Variants in INPP5F observed in about 807,000 individuals in gnomAD.
INPP5F encodes phosphatidylinositide 4-phosphatase SAC2.
INPP5F carries 97 observed loss-of-function variants against 137.2 expected under a neutral mutation model. The ratio of observed to expected loss-of-function variants is 0.71; its 90% CI spans 0.60 to 0.84. The LOEUF (loss-of-function observed/expected upper bound fraction) is 0.84, where lower values mean the gene tolerates loss of function less well. Among genes scored for constraint, INPP5F ranks in the 40% least tolerant of loss-of-function variants. INPP5F has a pLI of 0.00. For synonymous variants in INPP5F, 504 were observed against 476.9 expected, an observed-to-expected ratio of 1.06 and a Z score of -0.74; for missense variants, 1,271 against 1,371.9, an observed-to-expected ratio of 0.93 and a Z score of 1.16.
At position 119,796,803 on chromosome 10, in the gene INPP5F, A is replaced by G; in HGVS notation, c.758A>G (p.Asp253Gly). 1 of 1,613,248 alleles carries G rather than the reference A, an allele frequency of 6.2e-7. No homozygotes were observed. The highest frequency in any genetic ancestry group is 8.5e-7 in the Non-Finnish European group (1 of 1,179,482). ...GTGGTTAATTATACCGAATCATCTGATGATGAGAAAAGCAGCCCAGAGACC... is the reference window on the plus strand; with the variant it reads ...GTGGTTAATTATACCGAATCATCTGGTGATGAGAAAAGCAGCCCAGAGACC... ...ELVVNYTESS[D>G]DEKSSPETPP... Residue 253 changes from aspartate to glycine, a missense_variant, in exon 7 of 20, where the codon GAT (aspartate) becomes GGT (glycine). This residue lies in a region of INPP5F where 593 missense variants were observed against 712.4 expected (regional missense o/e 0.83). Coordinates refer to ENST00000650623, the MANE Select transcript of INPP5F (RefSeq NM_014937.4).
At chr10:119,782,940 CTATTTT>C (rs1217920467) in intron 3 of INPP5F, among the ~76,000 whole-genome samples, 1 of 152,082 alleles carries the variant, frequency 6.6e-6, no homozygotes, top group African/African-American at 2.4e-5. Flanking sequence ...AAAAATAAAA[CTATTTT>C]TATGCTTCAA....
chr10:119,765,880 TAGAGAGAGAGAG>T lies in INPP5F; in HGVS notation c.178+14732_178+14743del, dbSNP rs3065469. ...ACACTATATACTATATATATATATA[TAGAGAGAGAGAG>T]AGAGAGACGGAGATTTAACATCTAT... On this transcript the variant is annotated intron_variant, in intron 2 of 19. Transcript: ENST00000650623. 7.9e-4 allele frequency among the ~76,000 whole-genome samples: 114 copies of T among 144,292 alleles called. 1 individual carries two copies. Among genetic ancestry groups the T allele is most frequent in the African/African-American group, 2.8e-3 (110 of 39,008 alleles). The allele number at this position is 144,292 out of a possible 152,430, so 94.7% of individuals were successfully genotyped here.
chr10:119,822,595 G>A lies in INPP5F; in HGVS notation c.2032+91G>A, dbSNP rs118079010. On this transcript the variant is annotated intron_variant, in intron 17 of 19. Coordinates refer to ENST00000650623, the MANE Select transcript of INPP5F (RefSeq NM_014937.4). ...TTATTTAAGCAAGAACCTGGTTTAA[G>A]TTTCACCTACAAATGCTTTTCTTCA... is the stretch of plus-strand genomic sequence containing the variant. 1.3e-3 allele frequency: 758 copies of A among 606,402 alleles called. 17 individuals carry two copies. The East Asian group carries it at 0.021, about 17-fold the overall frequency. 37.6% of individuals were successfully genotyped at this position (606,402 alleles called of 1,614,324 possible). A position where few individuals can be genotyped will look rare whatever the true frequency, so the allele number is the denominator to read the frequency against.
intron 3 of INPP5F, among the ~76,000 whole-genome samples, chr10:119,788,892 TCCTGG>T (rs1348042023): frequency 6.6e-6 from 1 of 152,198 alleles, no homozygotes; most frequent in African/African-American, 2.4e-5. Flanking sequence ...TTTGATAGAT[TCCTGG>T]GGGGAAATTT....
Position 119,785,532 on chromosome 10 carries a change from GCT to G in INPP5F, c.315+3763_315+3764del, listed in dbSNP as rs1250238614. On this transcript the variant is annotated intron_variant, in intron 3 of 19. Coordinates refer to ENST00000650623, the MANE Select transcript of INPP5F (RefSeq NM_014937.4). ...TCTTGATCTCCTGACCTTGTGATCC[GCT>G]CGAGAGAGAGAGAGAGAGAGAGAGA... 2.1e-3 allele frequency among the ~76,000 whole-genome samples: 289 copies of G among 137,068 alleles called. 2 individuals carry two copies. The highest frequency in any genetic ancestry group is 4.2e-3 in the East Asian group (19 of 4,566). 89.9% of individuals were successfully genotyped at this position (137,068 alleles called of 152,430 possible).
chr10:119,785,286 G>GTTGTTTTT (rs770290302), intron 3 of INPP5F, among the ~76,000 whole-genome samples: 1 of 106,228 alleles, frequency 9.4e-6, no homozygotes. Flanking sequence ...CTGCCAGACT[G>GTTGTTTTT]TTTTTTTTTT....
chr10:119,804,539 G>A (rs1850700468), intron 10 of INPP5F, among the ~76,000 whole-genome samples: 1 of 152,106 alleles, frequency 6.6e-6, no homozygotes, highest in Non-Finnish European at 1.5e-5. Flanking sequence ...GAGATGTGGA[G>A]TTCCCTTTTT....
intron 2 of INPP5F, among the ~76,000 whole-genome samples, chr10:119,754,794 T>G (rs1396728006): frequency 6.7e-6 from 1 of 149,234 alleles, no homozygotes; most frequent in East Asian, 2.1e-4. Flanking sequence ...CAGGGATGCC[T>G]CCTCCTCTCC....
intron 16 of INPP5F, 107 bp downstream of exon 16, chr10:119,821,024 T>C: frequency 1.4e-6 from 1 of 728,534 alleles, no homozygotes; most frequent in Non-Finnish European, 2.4e-6. Context: ...TTTTGTTATG[T>C]ATTTTATGAA....
intron 3 of INPP5F, among the ~76,000 whole-genome samples, chr10:119,785,535 CG>C (rs1849867117): frequency 2.1e-5 from 2 of 93,592 alleles, no homozygotes; most frequent in Non-Finnish European, 4.4e-5. Context: ...GTGATCCGCT[CG>C]AGAGAGAGAG....
chr10:119,801,521 G>T (rs1470478097), intron 9 of INPP5F, among the ~76,000 whole-genome samples: 1 of 152,204 alleles, frequency 6.6e-6, no homozygotes, highest in Non-Finnish European at 1.5e-5. Context: ...ATAAATTCAT[G>T]TATTAGCAAT....
At chr10:119,762,887 C>T (rs143409413) in intron 2 of INPP5F, among the ~76,000 whole-genome samples, 1 of 152,122 alleles carries the variant, frequency 6.6e-6, no homozygotes, top group East Asian at 1.9e-4. Context: ...CATTATAATC[C>T]CAACATTCTT....
intron 1 of INPP5F, among the ~76,000 whole-genome samples, chr10:119,745,373 CT>C (rs971153706): frequency 1.4e-5 from 2 of 148,122 alleles, no homozygotes; most frequent in African/African-American, 2.5e-5. Flanking sequence ...TTCTCGATCT[CT>C]TTTTTTCCAT....
At chr10:119,812,536 T>C (rs975568768) in intron 15 of INPP5F, among the ~76,000 whole-genome samples, 6 of 152,194 alleles carry the variant, frequency 3.9e-5, no homozygotes, top group African/African-American at 1.4e-4. Context: ...TTTTGGGAAA[T>C]TGTAGCCCAA....
chr10:119,737,056 T>A (rs1359817259), intron 1 of INPP5F, among the ~76,000 whole-genome samples: 1 of 152,158 alleles, frequency 6.6e-6, no homozygotes, highest in Non-Finnish European at 1.5e-5. Flanking sequence ...CTCAAACCCC[T>A]GGGCTCAAGT....
At chr10:119,763,478 A>G (rs1849064771) in intron 2 of INPP5F, among the ~76,000 whole-genome samples, 1 of 152,224 alleles carries the variant, frequency 6.6e-6, no homozygotes, top group African/African-American at 2.4e-5. Flanking sequence ...AGAATAGTGC[A>G]CATTCTCTGC....
At chr10:119,752,578 T>TC (rs1279885281) in intron 2 of INPP5F, among the ~76,000 whole-genome samples, 1 of 121,378 alleles carries the variant, frequency 8.2e-6, no homozygotes, top group African/African-American at 3.4e-5. Flanking sequence ...GGAGTAAAAC[T>TC]CCATCTCAAA....
At chr10:119,771,471 G>T (rs1428437346) in intron 2 of INPP5F, among the ~76,000 whole-genome samples, 1 of 151,932 alleles carries the variant, frequency 6.6e-6, no homozygotes, top group African/African-American at 2.4e-5. Context: ...AAGGTATTCA[G>T]CGAAGCCTCC....
chr10:119,727,426 C>A (rs1399334487), intron 1 of INPP5F, among the ~76,000 whole-genome samples: 1 of 152,132 alleles, frequency 6.6e-6, no homozygotes, highest in Non-Finnish European at 1.5e-5. Context: ...ATTTCCAATC[C>A]CCACAGCAAC....
Sources: gnomAD v4.1 joint callset for allele counts (sites outside exome capture counted in the v4.1 genomes callset) on GRCh38, gnomAD v4.1.1 for gene constraint, gnomAD v4.1.1 regional missense constraint, MANE v1.5 for transcripts, NCBI Gene and HGNC (gene_info 2026-07-23, HGNC 2026-07-21) for gene names.